The following NEK10 variants were observed in gnomAD, a reference collection of about 807,000 sequenced individuals.
NEK10 encodes the protein serine/threonine-protein kinase Nek10.
NEK10 carries 122 observed loss-of-function variants against 159.8 expected under a neutral mutation model. The observed-to-expected ratio is 0.76, with a 90% CI of 0.66 to 0.89. The LOEUF is 0.89. Among genes scored for constraint, NEK10 ranks in the 40% least tolerant of loss-of-function variants. NEK10 has a pLI of 0.00. For missense variants in NEK10, 1,342 were observed against 1,323.1 expected, an observed-to-expected ratio of 1.01 and a Z score of -0.22; for synonymous variants, 466 against 457.1, an observed-to-expected ratio of 1.02 and a Z score of -0.25.
intron 5 of NEK10, among the ~76,000 whole-genome samples, chr3:27,323,610 A>G (rs2149671070): frequency 6.6e-6 from 1 of 152,216 alleles, no homozygotes; most frequent in Non-Finnish European, 1.5e-5. Flanking sequence ...GGGGGAAAAA[A>G]AAACCTGGAT....
At chr3:27,361,429 T>G (rs1164556152) in intron 1 of NEK10, among the ~76,000 whole-genome samples, 1 of 152,204 alleles carries the variant, frequency 6.6e-6, no homozygotes, top group Non-Finnish European at 1.5e-5. Flanking sequence ...GAATTTATAT[T>G]AACCCGTCAA....
At chr3:27,350,980 A>G (rs989533241) in intron 3 of NEK10, among the ~76,000 whole-genome samples, 2 of 152,288 alleles carry the variant, frequency 1.3e-5, no homozygotes, top group Non-Finnish European at 2.9e-5. Flanking sequence ...AACCAGAGGC[A>G]AAAGTCAAAG....
intron 22 of NEK10, among the ~76,000 whole-genome samples, chr3:27,270,997 G>C (rs923576748): frequency 6.6e-6 from 1 of 152,018 alleles, no homozygotes; most frequent in African/African-American, 2.4e-5. Context: ...TTTAGGGTCT[G>C]TCATTTCTAA....
intron 1 of NEK10, among the ~76,000 whole-genome samples, chr3:27,356,802 T>C (rs1223443192): frequency 6.6e-6 from 1 of 152,172 alleles, no homozygotes; most frequent in Admixed American, 6.5e-5. Context: ...CTTCTGGAGT[T>C]CATCAACATC....
intron 20 of NEK10, among the ~76,000 whole-genome samples, chr3:27,286,352 G>A (rs937871190): frequency 6.6e-6 from 1 of 150,890 alleles, no homozygotes; most frequent in African/African-American, 2.4e-5. Context: ...TCCCAAAGTG[G>A]TGGGATTACA....
intron 22 of NEK10, among the ~76,000 whole-genome samples, chr3:27,273,629 A>G (rs2041546172): frequency 6.6e-6 from 1 of 152,194 alleles, no homozygotes; most frequent in South Asian, 2.1e-4. Context: ...GTCTTCCCTG[A>G]GTAAAATGAA....
intron 19 of NEK10, among the ~76,000 whole-genome samples, chr3:27,287,948 C>T (rs1038818580): frequency 1.3e-5 from 2 of 152,120 alleles, no homozygotes; most frequent in African/African-American, 4.8e-5. Context: ...AATAGCAATC[C>T]TCTATAGCTT....
chr3:27,129,094 T>A (rs1226528323), intron 32 of NEK10, among the ~76,000 whole-genome samples: 2 of 152,138 alleles, frequency 1.3e-5, no homozygotes, highest in Non-Finnish European at 2.9e-5. Context: ...AAAATCCTAG[T>A]TCCCAAGGGT....
At chr3:27,228,344 T>C (rs1177953771) in intron 23 of NEK10, among the ~76,000 whole-genome samples, 2 of 152,156 alleles carry the variant, frequency 1.3e-5, no homozygotes, top group Non-Finnish European at 2.9e-5. Context: ...CTCCCATTGC[T>C]CAGATTTTGT....
chr3:27,126,784 G>C (rs1942009037), intron 32 of NEK10, among the ~76,000 whole-genome samples: 1 of 151,732 alleles, frequency 6.6e-6, no homozygotes, highest in South Asian at 2.1e-4. Context: ...AACAAACCTT[G>C]ATCCAACTCC....
At position 27,301,775 on chromosome 3, in the gene NEK10, T is replaced by G. The variant is rs1222277730; in HGVS notation, c.1089A>C (p.Ala363=). Residue 363 remains alanine, a synonymous_variant, in exon 13 of 36, where the codon GCA becomes GCC. Coordinates refer to ENST00000691995, the MANE Select transcript of NEK10 (RefSeq NM_001394966.1). ...ATAAATGAAGCTGCTGGATTCGGCC[T>G]GCAGCATTTGCACTGGACAGGCTTC... ...SIGSLSSANA[A]GRIQQLHLSE... is the part of the protein sequence containing the mutation. The G allele has an allele frequency of 6.4e-7, 1 of 1,559,660 alleles. No homozygotes were observed. Among genetic ancestry groups the G allele is most frequent in the South Asian group, 1.2e-5 (1 of 84,686 alleles).
chr3:27,302,361 T>G (rs192758737), intron 12 of NEK10, among the ~76,000 whole-genome samples: 1 of 152,248 alleles, frequency 6.6e-6, no homozygotes, highest in Admixed American at 6.5e-5. Context: ...TATATGTAAT[T>G]TTTTTCAAGC....
chr3:27,260,735 A>G (rs2040335575), intron 22 of NEK10, among the ~76,000 whole-genome samples: 1 of 152,216 alleles, frequency 6.6e-6, no homozygotes. Context: ...CTGGCCTCAT[A>G]AAATGAGTTA....
At chr3:27,327,168 C>T (rs932455539) in intron 5 of NEK10, among the ~76,000 whole-genome samples, 1 of 152,126 alleles carries the variant, frequency 6.6e-6, no homozygotes, top group African/African-American at 2.4e-5. Flanking sequence ...CTCTTGCCAT[C>T]CCTCCCCTCC....
chr3:27,215,087 C>G (rs1409024598), intron 23 of NEK10: 2 of 501,806 alleles, frequency 4.0e-6, no homozygotes, highest in African/African-American at 3.9e-5. Context: ...GCAAGTCTCG[C>G]GAGCTATTTT....
At chr3:27,288,619 GTCTTCC>G (rs2042786792) in intron 19 of NEK10, among the ~76,000 whole-genome samples, 1 of 152,110 alleles carries the variant, frequency 6.6e-6, no homozygotes, top group South Asian at 2.1e-4. Flanking sequence ...ATTGAATAAA[GTCTTCC>G]TCACCGTTTT....
At chr3:27,309,121 C>T in intron 9 of NEK10, 116 bp from the exon 10 acceptor site, 3 of 523,690 alleles carry the variant, frequency 5.7e-6, no homozygotes, top group Admixed American at 3.2e-5. Context: ...ATGCTTCCCT[C>T]TTAAGATCAT....
chr3:27,136,847 T>A (rs1009851842), intron 31 of NEK10, among the ~76,000 whole-genome samples: 2 of 152,242 alleles, frequency 1.3e-5, no homozygotes, highest in Non-Finnish European at 2.9e-5. Flanking sequence ...CTTGTTAAGT[T>A]CATCTGCTGG....
At chr3:27,234,069 C>T (rs749538068) in intron 23 of NEK10, among the ~76,000 whole-genome samples, 1 of 152,072 alleles carries the variant, frequency 6.6e-6, no homozygotes, top group Non-Finnish European at 1.5e-5. Context: ...TAAAATTCAA[C>T]ATCCCTTCAT....
Sources: gnomAD v4.1 joint callset for allele counts (sites outside exome capture counted in the v4.1 genomes callset) on GRCh38, gnomAD v4.1.1 for gene constraint, MANE v1.5 for transcripts, NCBI Gene and HGNC (gene_info 2026-07-23, HGNC 2026-07-21) for gene names.